Variants in HHAT observed in about 807,000 individuals in gnomAD.
HHAT encodes the protein hedgehog acyltransferase, also known as protein-cysteine N-palmitoyltransferase HHAT.
Under a neutral mutation model 70.8 loss-of-function variants are expected in HHAT, and 47 were observed. That is an observed-to-expected ratio of 0.66 (90% confidence interval 0.53 to 0.85). The LOEUF (loss-of-function observed/expected upper bound fraction) is 0.85, where lower values mean the gene tolerates loss of function less well. Among genes scored for constraint, HHAT ranks in the 40% least tolerant of loss-of-function variants. HHAT has a pLI of 0.00. For missense variants in HHAT, 609 were observed against 604.8 expected (o/e 1.01, Z -0.07); for synonymous variants, 228 against 247.6 (o/e 0.92, Z 0.74).
rs569331610 is a variant in HHAT, at chr1:210,421,143, T to C, written c.856+2818T>C. ...CAGAAATAGAAAAAAACCCCTAAAA[T>C]TTGTGTGGAACCACAAAAGATCCTG... On this transcript the variant is annotated intron_variant, in intron 7 of 11. Coordinates refer to ENST00000261458, the MANE Select transcript of HHAT (RefSeq NM_018194.6). Among the ~76,000 whole-genome samples the C allele has an allele frequency of 7.9e-5, 12 of 152,170 alleles. No individual in the cohort carries two copies. In the East Asian group the frequency reaches 2.3e-3, roughly 29 times the overall value.
At chr1:210,568,197 A>T (rs1165466840) in intron 9 of HHAT, among the ~76,000 whole-genome samples, 11 of 152,282 alleles carry the variant, frequency 7.2e-5, no homozygotes, top group Admixed American at 7.2e-4. Context: ...AGGACAGAGT[A>T]ATGATGAACT....
At chr1:210,557,753 A>G (rs1280661231) in intron 9 of HHAT, among the ~76,000 whole-genome samples, 1 of 152,124 alleles carries the variant, frequency 6.6e-6, no homozygotes, top group Non-Finnish European at 1.5e-5. Flanking sequence ...TGATTCAATT[A>G]TTTCCCACTG....
chr1:210,471,064 A>T (rs1170865094), intron 8 of HHAT, among the ~76,000 whole-genome samples: 1 of 152,122 alleles, frequency 6.6e-6, no homozygotes, highest in East Asian at 1.9e-4. Flanking sequence ...ATTCAGTGGA[A>T]AGCTATGCTG....
intron 9 of HHAT, among the ~76,000 whole-genome samples, chr1:210,519,912 A>G (rs933854454): frequency 6.7e-6 from 1 of 148,892 alleles, no homozygotes; most frequent in Non-Finnish European, 1.5e-5. Flanking sequence ...TTGCATTTCC[A>G]TGATGATGGG....
chr1:210,653,687 C>T (rs1381864122), intron 11 of HHAT, among the ~76,000 whole-genome samples: 1 of 152,064 alleles, frequency 6.6e-6, no homozygotes, highest in Non-Finnish European at 1.5e-5. Context: ...TTCCTTTTCC[C>T]TGCCTACCCT....
intron 9 of HHAT, among the ~76,000 whole-genome samples, chr1:210,551,553 T>A (rs1029935712): frequency 6.6e-6 from 1 of 152,234 alleles, no homozygotes; most frequent in African/African-American, 2.4e-5. Flanking sequence ...TCCCCCTTCA[T>A]TATTCAAGAT....
intron 1 of HHAT, among the ~76,000 whole-genome samples, chr1:210,344,054 C>T (rs2086280564): frequency 6.6e-6 from 1 of 152,096 alleles, no homozygotes; most frequent in Non-Finnish European, 1.5e-5. Flanking sequence ...TGGGACTCTC[C>T]CTGCACCAGC....
intron 9 of HHAT, among the ~76,000 whole-genome samples, chr1:210,532,919 A>G (rs1027736329): frequency 4.6e-5 from 7 of 152,200 alleles, no homozygotes; most frequent in Non-Finnish European, 5.9e-5. Context: ...GACAATATTT[A>G]TAATGGAAAA....
chr1:210,408,279 A>G (rs1268281186), intron 6 of HHAT, among the ~76,000 whole-genome samples: 3 of 152,046 alleles, frequency 2.0e-5, no homozygotes, highest in Non-Finnish European at 4.4e-5. Flanking sequence ...ACCTCCTGGT[A>G]TCAAGTGATT....
At chr1:210,581,977 A>G (rs1350633746) in intron 9 of HHAT, among the ~76,000 whole-genome samples, 2 of 152,192 alleles carry the variant, frequency 1.3e-5, no homozygotes, top group South Asian at 4.1e-4. Flanking sequence ...GAATCTTACA[A>G]TTGAGTTAAA....
intron 4 of HHAT, among the ~76,000 whole-genome samples, chr1:210,395,851 C>CT: frequency 6.6e-6 from 1 of 152,320 alleles, no homozygotes; most frequent in Middle Eastern, 3.4e-3. Context: ...ATCTACCCAG[C>CT]TATCCATCCA....
chr1:210,533,955 TC>T (rs1162270298), intron 9 of HHAT, among the ~76,000 whole-genome samples: 4 of 152,018 alleles, frequency 2.6e-5, no homozygotes, highest in Admixed American at 2.6e-4. Flanking sequence ...TACTCACGGG[TC>T]CCCAAACTCA....
At chr1:210,485,521 T>A (rs1474209001) in intron 8 of HHAT, among the ~76,000 whole-genome samples, 1 of 152,004 alleles carries the variant, frequency 6.6e-6, no homozygotes, top group Non-Finnish European at 1.5e-5. Context: ...GATCATGAGG[T>A]CTCTATATCA....
At chr1:210,602,826 A>C (rs1664585234) in intron 10 of HHAT, among the ~76,000 whole-genome samples, 1 of 152,144 alleles carries the variant, frequency 6.6e-6, no homozygotes, top group African/African-American at 2.4e-5. Context: ...AAGGATCATT[A>C]GCAATGCAGG....
chr1:210,553,604 G>T (rs2095546692), intron 9 of HHAT, among the ~76,000 whole-genome samples: 1 of 152,224 alleles, frequency 6.6e-6, no homozygotes, highest in Non-Finnish European at 1.5e-5. Flanking sequence ...CCTGCTCAGT[G>T]CCCACAGGGC....
chr1:210,374,127 T>TA (rs1403570137), intron 3 of HHAT: 1 of 152,234 alleles, frequency 6.6e-6, no homozygotes, highest in African/African-American at 2.4e-5. Context: ...TGTTTTCCTC[T>TA]TTAAGTCTTT....
intron 8 of HHAT, 73 bp downstream of exon 8, chr1:210,464,728 G>T: frequency 6.6e-7 from 1 of 1,516,922 alleles, no homozygotes; most frequent in Non-Finnish European, 9.1e-7. Flanking sequence ...GGCCTCAAAG[G>T]GTTCGGGCTA....
intron 2 of HHAT, among the ~76,000 whole-genome samples, chr1:210,351,738 G>C (rs545831235): frequency 6.6e-6 from 1 of 152,156 alleles, no homozygotes; most frequent in Admixed American, 6.5e-5. Flanking sequence ...GAGTACTATG[G>C]TCCTCTCTAA....
chr1:210,641,819 C>T (rs1443297035), intron 11 of HHAT, among the ~76,000 whole-genome samples: 2 of 152,198 alleles, frequency 1.3e-5, no homozygotes, highest in African/African-American at 4.8e-5. Context: ...TCTAGTGTTA[C>T]ACATTCCATC....
Sources: gnomAD v4.1 joint callset for allele counts (sites outside exome capture counted in the v4.1 genomes callset) on GRCh38, gnomAD v4.1.1 for gene constraint, MANE v1.5 for transcripts, NCBI Gene and HGNC (gene_info 2026-07-23, HGNC 2026-07-21) for gene names.